The following MAF variants were observed in gnomAD, a reference collection of about 807,000 sequenced individuals.
MAF encodes MAF bZIP transcription factor.
Under a neutral mutation model 22.0 loss-of-function variants are expected in MAF, and 10 were observed. The ratio of observed to expected loss-of-function variants is 0.45; its 90% confidence interval spans 0.28 to 0.77. MAF has a LOEUF of 0.77. Among genes scored for constraint, MAF ranks in the 30% least tolerant of loss-of-function variants. MAF has a pLI of 0.12. For missense variants in MAF, 544 were observed against 548.4 expected, an observed-to-expected ratio of 0.99 and a Z score of 0.08; for synonymous variants, 337 against 255.8, an observed-to-expected ratio of 1.32 and a Z score of -3.03.
chr16:79,235,658 G>A, the MAF span, among the ~76,000 whole-genome samples: 10,528 of 151,986 alleles, frequency 0.069, 551 homozygotes, highest in Middle Eastern at 0.15. Context: ...CACGCTCTAC[G>A]GTAATAGAAG....
At chr16:79,230,058 G>A in the MAF span, among the ~76,000 whole-genome samples, 1 of 151,914 alleles carries the variant, frequency 6.6e-6, no homozygotes, top group Non-Finnish European at 1.5e-5. Flanking sequence ...GGTAAATATC[G>A]ATCACTGAGA....
chr16:79,252,576 A>G, the MAF span, among the ~76,000 whole-genome samples: 39 of 151,952 alleles, frequency 2.6e-4, no homozygotes, highest in African/African-American at 9.2e-4. Context: ...TGCAACCGCA[A>G]CCTCCTGGGT....
the MAF span, among the ~76,000 whole-genome samples, chr16:79,315,021 C>A: frequency 2.6e-5 from 4 of 152,246 alleles, no homozygotes; most frequent in South Asian, 6.2e-4. Flanking sequence ...GGGGCCCTTG[C>A]TGTGTGCTAC....
chr16:79,334,830 G>C, the MAF span, among the ~76,000 whole-genome samples: 1 of 145,952 alleles, frequency 6.9e-6, no homozygotes, highest in Non-Finnish European at 1.5e-5. Flanking sequence ...GCAGTTATAC[G>C]TCAATAAAGT....
the MAF span, among the ~76,000 whole-genome samples, chr16:79,219,970 A>C: frequency 8.5e-5 from 13 of 152,354 alleles, no homozygotes; most frequent in African/African-American, 3.1e-4. Flanking sequence ...ATGTTCTGTT[A>C]AACAAAATGT....
chr16:79,559,139 T>C, the MAF span, among the ~76,000 whole-genome samples: 6 of 152,128 alleles, frequency 3.9e-5, no homozygotes, highest in African/African-American at 1.4e-4. Flanking sequence ...ACACTGGCCG[T>C]GGTTTGGGCG....
chr16:79,339,576 T>A, the MAF span, among the ~76,000 whole-genome samples: 1 of 152,208 alleles, frequency 6.6e-6, no homozygotes, highest in Non-Finnish European at 1.5e-5. Context: ...GCTAAAATTT[T>A]GAGGTTTGTT....
At chr16:79,519,844 G>A in the MAF span, among the ~76,000 whole-genome samples, 22 of 152,232 alleles carry the variant, frequency 1.4e-4, no homozygotes, top group Admixed American at 4.6e-4. Context: ...GGGGAAAAAA[G>A]GTAGAGTCCT....
At chr16:79,332,078 G>C in the MAF span, among the ~76,000 whole-genome samples, 2 of 152,130 alleles carry the variant, frequency 1.3e-5, no homozygotes, top group Non-Finnish European at 2.9e-5. Context: ...GGAGTCCTTA[G>C]CACATGTTAG....
chr16:79,282,777 T>C, the MAF span, among the ~76,000 whole-genome samples: 6 of 152,322 alleles, frequency 3.9e-5, no homozygotes, highest in Non-Finnish European at 8.8e-5. Context: ...GGGTTTAATA[T>C]TCTCCCTTGA....
the MAF span, among the ~76,000 whole-genome samples, chr16:79,410,812 T>A: frequency 1.2e-4 from 19 of 152,138 alleles, no homozygotes; most frequent in East Asian, 1.7e-3. Flanking sequence ...AGATGGCAGA[T>A]GACTTGTAGG....
the MAF span, among the ~76,000 whole-genome samples, chr16:79,512,640 G>T: frequency 1.2e-4 from 18 of 152,270 alleles, no homozygotes; most frequent in African/African-American, 3.9e-4. Context: ...AGGGTGTGCC[G>T]TTTATGAAAA....
At chr16:79,570,411 G>A in the MAF span, among the ~76,000 whole-genome samples, 4 of 151,920 alleles carry the variant, frequency 2.6e-5, no homozygotes, top group East Asian at 1.9e-4. Flanking sequence ...ATTCCCTATA[G>A]CCCTGGAGCA....
chr16:79,358,487 TC>T, the MAF span, among the ~76,000 whole-genome samples: 84 of 152,106 alleles, frequency 5.5e-4, no homozygotes, highest in African/African-American at 1.8e-3. Flanking sequence ...CCCACCCAAC[TC>T]CAGAGATCCC....
the MAF span, among the ~76,000 whole-genome samples, chr16:79,506,199 A>G: frequency 6.6e-6 from 1 of 152,186 alleles, no homozygotes; most frequent in Non-Finnish European, 1.5e-5. Flanking sequence ...TTACTCTGTA[A>G]CCAGCTATTG....
the MAF span, among the ~76,000 whole-genome samples, chr16:79,300,155 T>C: frequency 2.0e-5 from 3 of 152,244 alleles, no homozygotes; most frequent in East Asian, 5.8e-4. Context: ...ATGTTAGGCA[T>C]AATGGCTAAT....
chr16:79,275,924 G>A, the MAF span, among the ~76,000 whole-genome samples: 2 of 152,108 alleles, frequency 1.3e-5, no homozygotes, highest in Admixed American at 6.5e-5. Context: ...GGCAGATCAC[G>A]AGGTCAGGAG....
the MAF span, among the ~76,000 whole-genome samples, chr16:79,406,831 G>A: frequency 1.3e-5 from 2 of 152,132 alleles, no homozygotes; most frequent in African/African-American, 2.4e-5. Context: ...GGGCAGAGCC[G>A]CTTCCTGCCC....
the MAF span, among the ~76,000 whole-genome samples, chr16:79,259,006 C>A: frequency 2.0e-4 from 31 of 152,336 alleles, no homozygotes; most frequent in Non-Finnish European, 3.5e-4. Flanking sequence ...AGATCCCCCC[C>A]ATCCCAGATT....
Sources: allele counts gnomAD v4.1 joint callset (sites outside exome capture counted in the v4.1 genomes callset), GRCh38; gene constraint gnomAD v4.1.1; transcripts MANE v1.5; gene names NCBI Gene and HGNC (gene_info 2026-07-23, HGNC 2026-07-21).